ROR1: variants seen among roughly 807,000 people sequenced by gnomAD.
ROR1 encodes the protein ROR family WNT receptor 1, also known as inactive tyrosine-protein kinase transmembrane receptor ROR1.
In ROR1, 19 loss-of-function variants were observed where a neutral mutation model predicts 78.8. The ratio of observed to expected loss-of-function variants is 0.24; its 90% CI spans 0.17 to 0.35. ROR1 has a LOEUF of 0.35. ROR1 is among the 10% of genes least tolerant of loss of function. The pLI is 1.00. For synonymous variants in ROR1, 386 were observed against 433.6 expected (o/e 0.89, Z 1.36); for missense variants, 917 against 1,177.8 (o/e 0.78, Z 3.24).
intron 7 of ROR1, among the ~76,000 whole-genome samples, chr1:64,157,306 T>A (rs1649802319): frequency 6.6e-6 from 1 of 152,050 alleles, no homozygotes; most frequent in African/African-American, 2.4e-5. Context: ...CCTGGCTAAT[T>A]TTTTTAATTT....
chr1:63,782,721 C>T (rs556822775), intron 1 of ROR1, among the ~76,000 whole-genome samples: 29 of 152,172 alleles, frequency 1.9e-4, no homozygotes, highest in African/African-American at 5.5e-4. Context: ...GGGGCTCCAT[C>T]CAGTAAATTA....
At chr1:64,158,855 C>A in intron 7 of ROR1, 126 bp from the exon 8 acceptor site, 1 of 681,556 alleles carries the variant, frequency 1.5e-6, no homozygotes, top group Non-Finnish European at 2.5e-6. Flanking sequence ...GGATTCCTTT[C>A]TTCTCACAGT....
intron 4 of ROR1, among the ~76,000 whole-genome samples, chr1:64,104,150 CT>C (rs1242804958): frequency 1.3e-5 from 2 of 152,096 alleles, no homozygotes; most frequent in Non-Finnish European, 2.9e-5. Flanking sequence ...CTTAAAACAT[CT>C]TTACTATTAT....
intron 1 of ROR1, among the ~76,000 whole-genome samples, chr1:63,978,397 T>C (rs1646179490): frequency 6.6e-6 from 1 of 152,228 alleles, no homozygotes. Flanking sequence ...ATTTTGGTTT[T>C]GACAATAATT....
At chr1:64,076,983 G>C (rs1169862432) in intron 4 of ROR1, among the ~76,000 whole-genome samples, 1 of 152,010 alleles carries the variant, frequency 6.6e-6, no homozygotes, top group African/African-American at 2.4e-5. Flanking sequence ...TAAGATGTTT[G>C]GTCTAAAATA....
chr1:63,969,076 A>G (rs529350306), intron 1 of ROR1, among the ~76,000 whole-genome samples: 1 of 152,288 alleles, frequency 6.6e-6, no homozygotes, highest in South Asian at 2.1e-4. Context: ...ATCTGAAATC[A>G]TCCAGACTAC....
chr1:64,067,707 A>ATTTTTTTTTT (rs1557635987), intron 4 of ROR1, among the ~76,000 whole-genome samples: 2 of 130,412 alleles, frequency 1.5e-5, no homozygotes, highest in African/African-American at 3.2e-5. Context: ...AGTTAAATAA[A>ATTTTTTTTTT]TTCTTTTTTT....
At chr1:63,981,206 A>G (rs1358156935) in intron 1 of ROR1, among the ~76,000 whole-genome samples, 1 of 152,066 alleles carries the variant, frequency 6.6e-6, no homozygotes, top group East Asian at 2.0e-4. Flanking sequence ...TTTTCACACA[A>G]CCTTGCATTT....
intron 4 of ROR1, among the ~76,000 whole-genome samples, chr1:64,068,824 A>G (rs1338351556): frequency 6.6e-6 from 1 of 152,178 alleles, no homozygotes; most frequent in Non-Finnish European, 1.5e-5. Flanking sequence ...CAGGCTGCAA[A>G]TTGACATTTC....
chr1:63,852,816 A>G (rs2100332945), intron 1 of ROR1, among the ~76,000 whole-genome samples: 1 of 152,318 alleles, frequency 6.6e-6, no homozygotes, highest in South Asian at 2.1e-4. Flanking sequence ...CTAGGGTGAC[A>G]TTTGCAATAG....
chr1:63,880,234 C>T (rs981350372), intron 1 of ROR1, among the ~76,000 whole-genome samples: 15 of 152,154 alleles, frequency 9.9e-5, no homozygotes, highest in African/African-American at 3.6e-4. Flanking sequence ...TAAATGTTAG[C>T]TATTAGTATT....
chr1:63,985,221 G>A (rs759469580), intron 1 of ROR1, among the ~76,000 whole-genome samples: 2 of 152,042 alleles, frequency 1.3e-5, no homozygotes, highest in Non-Finnish European at 1.5e-5. Context: ...ATCTGATAAC[G>A]AAGCTTGTGA....
intron 1 of ROR1, among the ~76,000 whole-genome samples, chr1:63,936,369 T>C (rs1314886853): frequency 1.3e-5 from 2 of 152,196 alleles, no homozygotes; most frequent in Non-Finnish European, 2.9e-5. Context: ...GTCTCTCCTC[T>C]TCTCCCACAG....
chr1:64,133,636 C>T (rs999648173), intron 4 of ROR1, among the ~76,000 whole-genome samples: 1 of 152,238 alleles, frequency 6.6e-6, no homozygotes, highest in African/African-American at 2.4e-5. Context: ...TGCACCTTGA[C>T]ATCATGGTGA....
chr1:63,813,803 ATTTG>A (rs1331835475), intron 1 of ROR1, among the ~76,000 whole-genome samples: 5 of 152,324 alleles, frequency 3.3e-5, no homozygotes, highest in African/African-American at 1.2e-4. Context: ...TAGAAGTCAT[ATTTG>A]TTTCTTTCAC....
At chr1:63,806,540 A>G (rs1175136445) in intron 1 of ROR1, among the ~76,000 whole-genome samples, 4 of 152,116 alleles carry the variant, frequency 2.6e-5, no homozygotes, top group African/African-American at 9.7e-5. Flanking sequence ...GATGGTCTCG[A>G]TCTCCTGACC....
intron 1 of ROR1, among the ~76,000 whole-genome samples, chr1:63,991,588 G>A (rs1646296919): frequency 1.3e-5 from 2 of 152,132 alleles, no homozygotes; most frequent in Admixed American, 6.5e-5. Context: ...ACAGAAAGAG[G>A]CAGGTCTTCT....
In ROR1 at chr1:64,102,133, C is replaced by T. The variant is rs138488277; in HGVS notation, c.483-35236C>T. Among the ~76,000 whole-genome samples the T allele has an allele frequency of 6.1e-4, 93 of 152,228 alleles. 1 individual carries two copies. The highest frequency in any genetic ancestry group is 2.1e-3 in the African/African-American group (87 of 41,534). On this transcript the variant is annotated intron_variant, in intron 4 of 8. Transcript: ENST00000371079. Reference sequence around the variant, plus strand: ...GTCTGGAGAGAATGAGAGACAGAGGCACCAATAGCTAAGTAGACTAGAAGT... The same window carrying T: ...GTCTGGAGAGAATGAGAGACAGAGGTACCAATAGCTAAGTAGACTAGAAGT...
chr1:64,115,601 T>C (rs1416268361), intron 4 of ROR1, among the ~76,000 whole-genome samples: 7 of 143,624 alleles, frequency 4.9e-5, no homozygotes, highest in Non-Finnish European at 1.1e-4. Flanking sequence ...TAAGATAAAG[T>C]ATATATATGT....
Sources: allele counts gnomAD v4.1 joint callset (sites outside exome capture counted in the v4.1 genomes callset), GRCh38; gene constraint gnomAD v4.1.1; transcripts MANE v1.5; gene names NCBI Gene and HGNC (gene_info 2026-07-23, HGNC 2026-07-21).